The following AGBL4 variants were observed in gnomAD, a reference collection of about 807,000 sequenced individuals.
AGBL4 encodes AGBL carboxypeptidase 4.
A neutral mutation model predicts 66.4 loss-of-function variants in AGBL4; 58 were observed. That is an observed-to-expected ratio of 0.87 (90% CI 0.71 to 1.09). The LOEUF (loss-of-function observed/expected upper bound fraction) is 1.09, where lower values mean the gene tolerates loss of function less well. Ranked by LOEUF, AGBL4 falls within the 50% of genes least tolerant of loss-of-function variation. The probability of loss-of-function intolerance (pLI) is 0.00; values close to 1 mark genes in which losing one functional copy is unlikely to be tolerated. For missense variants in AGBL4, 579 were observed against 631.0 expected (o/e 0.92, Z 0.88); for synonymous variants, 234 against 222.9 (o/e 1.05, Z -0.44).
At chr1:49,713,026 T>C (rs921891196) in intron 2 of AGBL4, among the ~76,000 whole-genome samples, 2 of 152,070 alleles carry the variant, frequency 1.3e-5, no homozygotes, top group African/African-American at 4.8e-5. Context: ...TTCAGTGTTA[T>C]GTCTTCAAGT....
intron 5 of AGBL4, among the ~76,000 whole-genome samples, chr1:48,976,604 A>G (rs752227376): frequency 2.4e-4 from 36 of 152,124 alleles, no homozygotes; most frequent in Non-Finnish European, 4.3e-4. Flanking sequence ...ATTCTGACAA[A>G]CATACTCATT....
intron 9 of AGBL4, among the ~76,000 whole-genome samples, chr1:48,622,443 T>C (rs1645429441): frequency 6.6e-6 from 1 of 151,910 alleles, no homozygotes; most frequent in Non-Finnish European, 1.5e-5. Flanking sequence ...TTTGCAAACT[T>C]TCTATGCTCA....
At chr1:48,577,265 T>C (rs775845380) in intron 11 of AGBL4, among the ~76,000 whole-genome samples, 2 of 152,222 alleles carry the variant, frequency 1.3e-5, no homozygotes, top group Non-Finnish European at 2.9e-5. Flanking sequence ...AATATTCATA[T>C]AGACAAACAG....
At chr1:49,338,647 A>T (rs564011482) in intron 3 of AGBL4, among the ~76,000 whole-genome samples, 1 of 152,324 alleles carries the variant, frequency 6.6e-6, no homozygotes, top group South Asian at 2.1e-4. Context: ...TCTAAGAACC[A>T]TTGTCTAAGA....
At chr1:49,830,096 C>G (rs1045103838) in intron 2 of AGBL4, among the ~76,000 whole-genome samples, 1 of 152,100 alleles carries the variant, frequency 6.6e-6, no homozygotes, top group East Asian at 1.9e-4. Context: ...TGTGTCTTTA[C>G]AGCAGAATGA....
intron 4 of AGBL4, among the ~76,000 whole-genome samples, chr1:49,211,055 G>A (rs1648629028): frequency 6.6e-6 from 1 of 151,972 alleles, no homozygotes; most frequent in Non-Finnish European, 1.5e-5. Context: ...GTCCTGCTTA[G>A]TGCCCAAGTC....
At chr1:49,413,563 G>T (rs944005921) in intron 3 of AGBL4, among the ~76,000 whole-genome samples, 2 of 152,138 alleles carry the variant, frequency 1.3e-5, no homozygotes, top group African/African-American at 4.8e-5. Flanking sequence ...AAAAGTTCAG[G>T]TGGAGCTCTT....
chr1:48,893,763 C>A (rs1377050174), intron 5 of AGBL4, among the ~76,000 whole-genome samples: 1 of 152,046 alleles, frequency 6.6e-6, no homozygotes, highest in Non-Finnish European at 1.5e-5. Context: ...TTCTACCATG[C>A]GAGGCTACAA....
intron 3 of AGBL4, among the ~76,000 whole-genome samples, chr1:49,531,015 A>G (rs945374869): frequency 2.0e-5 from 3 of 152,142 alleles, no homozygotes; most frequent in African/African-American, 7.2e-5. Flanking sequence ...CAGAGCACTC[A>G]ATCAATAAAT....
chr1:49,622,628 CAAAAAAAA>C (rs71059557), intron 3 of AGBL4, among the ~76,000 whole-genome samples: 9 of 65,488 alleles, frequency 1.4e-4, no homozygotes, highest in South Asian at 8.5e-4. Context: ...GACTCCGTCT[CAAAAAAAA>C]AAAAAAAAAA....
intron 3 of AGBL4, among the ~76,000 whole-genome samples, chr1:49,525,341 T>C (rs1650575560): frequency 6.6e-6 from 1 of 152,032 alleles, no homozygotes; most frequent in Non-Finnish European, 1.5e-5. Context: ...CAGGGAAAGC[T>C]TGCAGAAAAT....
chr1:49,782,152 A>G (rs1415861818), intron 2 of AGBL4, among the ~76,000 whole-genome samples: 1 of 151,918 alleles, frequency 6.6e-6, no homozygotes, highest in African/African-American at 2.4e-5. Flanking sequence ...CTAGAAAAAC[A>G]AGAAAGAAAG....
chr1:49,650,660 C>A (rs754156922), intron 3 of AGBL4, among the ~76,000 whole-genome samples: 2 of 152,184 alleles, frequency 1.3e-5, no homozygotes, highest in Non-Finnish European at 2.9e-5. Context: ...ACTTTGGCAA[C>A]TACAGGGAAC....
chr1:49,176,808 C>T (rs531849680), intron 4 of AGBL4, among the ~76,000 whole-genome samples: 1 of 152,126 alleles, frequency 6.6e-6, no homozygotes, highest in Admixed American at 6.6e-5. Context: ...CTTTCTGTCT[C>T]TCTCTCTCTT....
chr1:49,623,891 C>T (rs1055543587), intron 3 of AGBL4, among the ~76,000 whole-genome samples: 9 of 152,062 alleles, frequency 5.9e-5, no homozygotes, highest in African/African-American at 2.2e-4. Context: ...TTGGCTCTGC[C>T]GCTGACTAGC....
rs185193949 is a variant in AGBL4 at position 49,660,077 on chromosome 1, C to A, written c.282+37236G>T. Among the ~76,000 whole-genome samples the A allele has an allele frequency of 5.3e-5, 8 of 151,972 alleles. No homozygotes were observed. In the East Asian group the frequency reaches 1.6e-3, roughly 30 times the overall value. On this transcript the variant is annotated intron_variant, in intron 3 of 13. Coordinates refer to ENST00000371839, the MANE Select transcript of AGBL4 (RefSeq NM_032785.4). ...ATGACAAAATCACAAAAAGCAATTG[C>A]AACAAAAGCAAAAAAATGATGAATA...
At chr1:49,394,387 A>C (rs1412193841) in intron 3 of AGBL4, among the ~76,000 whole-genome samples, 2 of 152,018 alleles carry the variant, frequency 1.3e-5, no homozygotes, top group African/African-American at 4.8e-5. Flanking sequence ...GTCAGAGGCA[A>C]GAGATCGATC....
At chr1:49,659,715 C>T (rs1304621247) in intron 3 of AGBL4, among the ~76,000 whole-genome samples, 1 of 152,114 alleles carries the variant, frequency 6.6e-6, no homozygotes, top group African/African-American at 2.4e-5. Context: ...ATCATTGAGA[C>T]AGAAAATTAA....
chr1:48,889,196 C>T (rs995431329), intron 5 of AGBL4, among the ~76,000 whole-genome samples: 8 of 152,198 alleles, frequency 5.3e-5, no homozygotes, highest in African/African-American at 1.2e-4. Context: ...CTACCAATGC[C>T]CTGCCCCTCC....
Sources: allele counts gnomAD v4.1 joint callset (sites outside exome capture counted in the v4.1 genomes callset), GRCh38; gene constraint gnomAD v4.1.1; transcripts MANE v1.5; gene names NCBI Gene and HGNC (gene_info 2026-07-23, HGNC 2026-07-21).